Variants in KCND2 observed in about 807,000 individuals in gnomAD.
KCND2 encodes the protein A-type voltage-gated potassium channel KCND2.
In KCND2, 16 loss-of-function variants were observed where a neutral mutation model predicts 54.4. That is an observed-to-expected ratio of 0.29 (90% CI 0.20 to 0.45). The LOEUF is 0.45. Ranked by LOEUF, KCND2 falls within the 20% of genes least tolerant of loss-of-function variation. The pLI is 1.00. For missense variants in KCND2, 486 were observed against 824.2 expected, an observed-to-expected ratio of 0.59 and a Z score of 5.02; for synonymous variants, 317 against 310.7, an observed-to-expected ratio of 1.02 and a Z score of -0.21.
At chr7:120,454,565 C>T (rs936175960) in intron 1 of KCND2, among the ~76,000 whole-genome samples, 8 of 152,104 alleles carry the variant, frequency 5.3e-5, no homozygotes, top group African/African-American at 1.7e-4. Context: ...TAATAAAAAG[C>T]TTACCAACCG....
upstream of KCND2, among the ~76,000 whole-genome samples, chr7:120,273,084 G>T (rs1016732422): frequency 3.8e-4 from 58 of 152,134 alleles, no homozygotes; most frequent in Admixed American, 3.3e-3. Flanking sequence ...TTTGCGCCGG[G>T]GTTGGTGGGT....
chr7:120,741,492 G>A (rs767552627), intron 2 of KCND2, 42 bp from the exon 3 acceptor site: 4 of 1,347,058 alleles, frequency 3.0e-6, no homozygotes, highest in Admixed American at 1.7e-5. Context: ...TTAAGGAAAC[G>A]ATTTATAAAT....
chr7:120,560,413 G>A (rs1230063329), intron 1 of KCND2, among the ~76,000 whole-genome samples: 7 of 152,028 alleles, frequency 4.6e-5, no homozygotes, highest in South Asian at 2.1e-4. Flanking sequence ...ATAATCAGAC[G>A]GAAAAGCGAC....
At chr7:120,686,979 C>A (rs1414008088) in intron 1 of KCND2, among the ~76,000 whole-genome samples, 1 of 152,094 alleles carries the variant, frequency 6.6e-6, no homozygotes, top group East Asian at 1.9e-4. Context: ...GCATAACAAC[C>A]ACCTGACAAT....
At chr7:120,378,344 A>G (rs957918151) in intron 1 of KCND2, among the ~76,000 whole-genome samples, 6 of 151,956 alleles carry the variant, frequency 3.9e-5, no homozygotes, top group Non-Finnish European at 8.8e-5. Context: ...GCAGATTTTG[A>G]TAAGAACATT....
chr7:120,615,767 A>G (rs1203075330), intron 1 of KCND2, among the ~76,000 whole-genome samples: 1 of 152,166 alleles, frequency 6.6e-6, no homozygotes, highest in Admixed American at 6.5e-5. Context: ...CTGCTCTGCT[A>G]TTGTATGAAA....
intron 1 of KCND2, among the ~76,000 whole-genome samples, chr7:120,617,551 T>C (rs1197050191): frequency 1.3e-5 from 2 of 152,178 alleles, no homozygotes; most frequent in African/African-American, 2.4e-5. Flanking sequence ...GGAATGTAAA[T>C]TAGTTCAGTC....
intron 1 of KCND2, among the ~76,000 whole-genome samples, chr7:120,520,809 T>A (rs926356686): frequency 2.6e-5 from 4 of 152,134 alleles, no homozygotes; most frequent in Non-Finnish European, 4.4e-5. Flanking sequence ...ATTTCCACAT[T>A]TTTAATGGAT....
intron 1 of KCND2, among the ~76,000 whole-genome samples, chr7:120,413,323 ATTAT>A (rs1296962576): frequency 6.6e-6 from 1 of 152,014 alleles, no homozygotes; most frequent in East Asian, 1.9e-4. Context: ...ATTTAGATAA[ATTAT>A]TTTTTAACTA....
At chr7:120,379,107 T>A (rs718805) in intron 1 of KCND2, among the ~76,000 whole-genome samples, 15,520 of 152,046 alleles carry the variant, frequency 0.1, 835 homozygotes, top group Admixed American at 0.13. Context: ...TTCTTATGAA[T>A]GGAATAAAAT....
At chr7:120,655,067 A>G (rs747571508) in intron 1 of KCND2, among the ~76,000 whole-genome samples, 2 of 152,080 alleles carry the variant, frequency 1.3e-5, no homozygotes, top group Non-Finnish European at 2.9e-5. Flanking sequence ...AACCATATTT[A>G]TAATTGTCTT....
chr7:120,390,966 A>G (rs1801066793), intron 1 of KCND2, among the ~76,000 whole-genome samples: 1 of 152,078 alleles, frequency 6.6e-6, no homozygotes, highest in South Asian at 2.1e-4. Context: ...TTAGTTACAT[A>G]GGTATATATG....
chr7:120,670,789 G>T (rs911772258), intron 1 of KCND2, among the ~76,000 whole-genome samples: 1 of 151,948 alleles, frequency 6.6e-6, no homozygotes, highest in African/African-American at 2.4e-5. Context: ...GGTGGCGGGT[G>T]CCTGTAGTCC....
chr7:120,384,169 T>G (rs1800954987), intron 1 of KCND2, among the ~76,000 whole-genome samples: 1 of 152,120 alleles, frequency 6.6e-6, no homozygotes, highest in Non-Finnish European at 1.5e-5. Flanking sequence ...GTTTTCTTAT[T>G]TGTATTTTTA....
At chr7:120,347,717 A>G (rs978476472) in intron 1 of KCND2, among the ~76,000 whole-genome samples, 20 of 151,918 alleles carry the variant, frequency 1.3e-4, no homozygotes, top group African/African-American at 4.6e-4. Flanking sequence ...AGATCACACC[A>G]TCACACTCCA....
At chr7:120,538,011 G>T (rs962104834) in intron 1 of KCND2, among the ~76,000 whole-genome samples, 2 of 152,098 alleles carry the variant, frequency 1.3e-5, no homozygotes, top group African/African-American at 4.8e-5. Flanking sequence ...ACTGTTTTGG[G>T]CAAGAGGCCT....
At chr7:120,610,189 A>G (rs917985960) in intron 1 of KCND2, among the ~76,000 whole-genome samples, 24 of 152,278 alleles carry the variant, frequency 1.6e-4, no homozygotes, top group African/African-American at 5.5e-4. Flanking sequence ...AGGAAAGATG[A>G]TGAAAGCAGG....
intron 1 of KCND2, among the ~76,000 whole-genome samples, chr7:120,476,231 A>G (rs1443377756): frequency 6.6e-6 from 1 of 152,174 alleles, no homozygotes; most frequent in Non-Finnish European, 1.5e-5. Context: ...CAACCTTTCA[A>G]TACCTTTTCT....
chr7:120,558,438 C>T (rs1036002288), intron 1 of KCND2, among the ~76,000 whole-genome samples: 4 of 152,110 alleles, frequency 2.6e-5, no homozygotes, highest in African/African-American at 9.7e-5. Context: ...CAAACACATC[C>T]TCACCCTAAC....
Sources: allele counts gnomAD v4.1 joint callset (sites outside exome capture counted in the v4.1 genomes callset), GRCh38; gene constraint gnomAD v4.1.1; transcripts MANE v1.5; gene names NCBI Gene and HGNC (gene_info 2026-07-23, HGNC 2026-07-21).